Variants in RBMS1 observed in about 807,000 individuals in gnomAD.
The protein encoded by RBMS1 is RNA binding motif single stranded interacting protein 1, also known as RNA-binding motif, single-stranded-interacting protein 1.
RBMS1 carries 17 observed loss-of-function variants against 62.3 expected under a neutral mutation model. The observed-to-expected ratio is 0.27, with a 90% confidence interval of 0.19 to 0.41. The LOEUF (loss-of-function observed/expected upper bound fraction) is 0.41. Ranked by LOEUF, RBMS1 falls within the 10% of genes least tolerant of loss-of-function variation. The pLI is 1.00. For missense variants in RBMS1, 334 were observed against 504.5 expected (o/e 0.66, Z 3.24); for synonymous variants, 172 against 170.0 (o/e 1.01, Z -0.09).
chr2:160,439,734 G>A (rs1202242382), intron 1 of RBMS1, among the ~76,000 whole-genome samples: 3 of 152,210 alleles, frequency 2.0e-5, no homozygotes, highest in African/African-American at 7.2e-5. Context: ...AGCAAGCCGA[G>A]ATCATGCCAC....
intron 1 of RBMS1, among the ~76,000 whole-genome samples, chr2:160,379,316 AT>A (rs1000921860): frequency 6.6e-6 from 1 of 151,970 alleles, no homozygotes; most frequent in Non-Finnish European, 1.5e-5. Flanking sequence ...GCATTTTCCC[AT>A]TTTTACAGGG....
intron 4 of RBMS1, among the ~76,000 whole-genome samples, chr2:160,310,104 T>C (rs747977028): frequency 8.5e-5 from 13 of 152,230 alleles, no homozygotes; most frequent in Non-Finnish European, 1.9e-4. Context: ...GAAAAAATTA[T>C]AATGTATTAC....
intron 2 of RBMS1, among the ~76,000 whole-genome samples, chr2:160,346,239 T>C (rs1488749156): frequency 6.6e-6 from 1 of 152,130 alleles, no homozygotes; most frequent in Non-Finnish European, 1.5e-5. Flanking sequence ...CTCTTTAACA[T>C]GAATATGCCA....
chr2:160,351,233 A>G (rs976567388), intron 2 of RBMS1, among the ~76,000 whole-genome samples: 3 of 151,852 alleles, frequency 2.0e-5, no homozygotes, highest in African/African-American at 4.8e-5. Flanking sequence ...TGTAAATGAC[A>G]AGTTAATGGG....
At position 160,493,509 on chromosome 2, in the gene RBMS1, C is replaced by T; in HGVS notation, c.-146G>A. On this transcript the variant is annotated 5_prime_UTR_variant, in exon 1 of 14. Coordinates refer to ENST00000348849, the MANE Select transcript of RBMS1 (RefSeq NM_016836.4). ...CTGCTGCCGCTGCTCCACCTCCCAG[C>T]CGGGACCAGACGTCCTCCTCCTCCT... 1.5e-6 allele frequency: 1 copy of T among 681,338 alleles called. No individual in the cohort carries two copies. The allele number at this position is 681,338 out of a possible 1,614,324, so 42.2% of individuals were successfully genotyped here.
At chr2:160,320,909 C>T (rs1244839569) in intron 2 of RBMS1, among the ~76,000 whole-genome samples, 3 of 152,024 alleles carry the variant, frequency 2.0e-5, no homozygotes, top group Non-Finnish European at 4.4e-5. Context: ...GACTGTATCC[C>T]TGTTTCATAC....
In RBMS1 at chr2:160,493,542, TTCCTCCTCCTCCTCC is replaced by T; in HGVS notation, c.-194_-180del. 8 of 494,940 alleles carry T rather than the reference TTCCTCCTCCTCCTCC, an allele frequency of 1.6e-5. No individual in the cohort carries two copies. Among genetic ancestry groups the T allele is most frequent in the Middle Eastern group, 1.1e-3 (2 of 1,816 alleles). 30.7% of individuals were successfully genotyped at this position (494,940 alleles called of 1,614,324 possible). ...AGACGTCCTCCTCCTCCTCCTCCTC[TTCCTCCTCCTCCTCC>T]TCCTCCTCCTCCTCTTCCTCCTCCT... is the stretch of plus-strand genomic sequence containing the variant. On this transcript the variant is annotated 5_prime_UTR_variant, in exon 1 of 14. Transcript: ENST00000348849.
chr2:160,279,810 T>C (rs1237290754), intron 10 of RBMS1: 1 of 152,164 alleles, frequency 6.6e-6, no homozygotes, highest in South Asian at 2.1e-4. Context: ...CTGATGTAAA[T>C]CAGGCAGTTT....
rs1217004693 is a variant in RBMS1 at position 160,493,446 on chromosome 2, GGCGGCGGCGGCA to G, written c.-95_-84del. 5.3e-5 allele frequency: 72 copies of G among 1,363,016 alleles called. No individual in the cohort carries two copies. Among genetic ancestry groups the G allele is most frequent in the Middle Eastern group, 3.6e-4 (2 of 5,560 alleles). 84.4% of individuals were successfully genotyped at this position (1,363,016 alleles called of 1,614,324 possible). A position where few individuals can be genotyped will look rare whatever the true frequency, so the allele number is the denominator to read the frequency against. On this transcript the variant is annotated 5_prime_UTR_variant, in exon 1 of 14. Transcript: ENST00000348849. ...CGGGCTCTCCTGCCTCTCCCTTTCC[GGCGGCGGCGGCA>G]GCGGCGGCGGCGGCGGCGGCTGCTG...
intron 1 of RBMS1, among the ~76,000 whole-genome samples, chr2:160,368,545 T>C (rs1693540084): frequency 6.6e-6 from 1 of 152,228 alleles, no homozygotes. Context: ...CCAACCTCCG[T>C]TGCCCACTAT....
chr2:160,417,360 G>T lies in RBMS1; in HGVS notation c.76-49969C>A, dbSNP rs553066224. ...TCATAAAGAGAGACTGTAAATAAGT[G>T]TTGCATTTTGCAACTGTATGTGACT... On this transcript the variant is annotated intron_variant, in intron 1 of 13. Coordinates refer to ENST00000348849, the MANE Select transcript of RBMS1 (RefSeq NM_016836.4). Among the ~76,000 whole-genome samples, 12 of 152,314 alleles carry T rather than the reference G, an allele frequency of 7.9e-5. No individual in the cohort carries two copies. The East Asian group carries it at 1.9e-3, about 24-fold the overall frequency.
chr2:160,314,577 A>G (rs777799374), intron 3 of RBMS1, among the ~76,000 whole-genome samples: 1 of 152,196 alleles, frequency 6.6e-6, no homozygotes, highest in Non-Finnish European at 1.5e-5. Flanking sequence ...ATTAGTACCA[A>G]AAATATTGCC....
chr2:160,311,186 C>A (rs1289428475), intron 4 of RBMS1, among the ~76,000 whole-genome samples: 3 of 92,020 alleles, frequency 3.3e-5, no homozygotes, highest in African/African-American at 9.8e-5. Context: ...CAGAGTGAGA[C>A]CCTGTCTCCA....
intron 10 of RBMS1, among the ~76,000 whole-genome samples, chr2:160,279,977 T>G (rs1688021104): frequency 6.6e-6 from 1 of 152,244 alleles, no homozygotes; most frequent in African/African-American, 2.4e-5. Context: ...GAGATAATGT[T>G]TGTCATTAAT....
At chr2:160,425,919 A>T (rs530462309) in intron 1 of RBMS1, among the ~76,000 whole-genome samples, 1 of 152,234 alleles carries the variant, frequency 6.6e-6, no homozygotes, top group Middle Eastern at 3.4e-3. Context: ...CTGTGCTTGC[A>T]ATCAGAAGTA....
At chr2:160,424,586 C>T (rs778469099) in intron 1 of RBMS1, among the ~76,000 whole-genome samples, 7 of 152,104 alleles carry the variant, frequency 4.6e-5, no homozygotes, top group Admixed American at 3.3e-4. Flanking sequence ...ATGCTATAAC[C>T]GGGAAGCTGA....
chr2:160,275,604 C>A (rs762958965), intron 13 of RBMS1, 26 bp downstream of exon 13: 3 of 1,609,450 alleles, frequency 1.9e-6, no homozygotes, highest in South Asian at 1.1e-5. Flanking sequence ...TTGAGCCCCC[C>A]AGTTATGAAG....
At chr2:160,413,341 G>GAA (rs150977530) in intron 1 of RBMS1, among the ~76,000 whole-genome samples, 2 of 150,716 alleles carry the variant, frequency 1.3e-5, no homozygotes, top group East Asian at 2.0e-4. Flanking sequence ...CAAAACAGGA[G>GAA]AAAAAAAAAG....
chr2:160,382,671 A>C (rs1021547542), intron 1 of RBMS1, among the ~76,000 whole-genome samples: 8 of 152,132 alleles, frequency 5.3e-5, no homozygotes, highest in Non-Finnish European at 1.2e-4. Flanking sequence ...TTAGACTTTC[A>C]ACTGAAAAAT....
Sources: gnomAD v4.1 joint callset for allele counts (sites outside exome capture counted in the v4.1 genomes callset) on GRCh38, gnomAD v4.1.1 for gene constraint, MANE v1.5 for transcripts, NCBI Gene and HGNC (gene_info 2026-07-23, HGNC 2026-07-21) for gene names.